Variants in ADAMTS17 observed in about 807,000 individuals in gnomAD.
ADAMTS17 encodes A disintegrin and metalloproteinase with thrombospondin motifs 17.
ADAMTS17 carries 113 observed loss-of-function variants against 141.5 expected under a neutral mutation model. That is an observed-to-expected ratio of 0.80 (90% CI 0.69 to 0.93). ADAMTS17 has a LOEUF of 0.93. Among genes scored for constraint, ADAMTS17 ranks in the 40% least tolerant of loss-of-function variants. The pLI is 0.00. For synonymous variants in ADAMTS17, 768 were observed against 630.6 expected, an observed-to-expected ratio of 1.22 and a Z score of -3.27; for missense variants, 1,659 against 1,517.9, an observed-to-expected ratio of 1.09 and a Z score of -1.54.
intron 7 of ADAMTS17, among the ~76,000 whole-genome samples, chr15:100,248,226 G>T (rs28448458): frequency 0.032 from 4,809 of 152,254 alleles, 257 homozygotes; most frequent in African/African-American, 0.11. Context: ...TTAAAAAATA[G>T]TAGGAGACCA....
At chr15:100,118,164 T>C (rs1015757595) in intron 12 of ADAMTS17, among the ~76,000 whole-genome samples, 10 of 152,226 alleles carry the variant, frequency 6.6e-5, no homozygotes, top group Admixed American at 5.9e-4. Context: ...TTTGGTTTTG[T>C]GGGCCAAATA....
intron 14 of ADAMTS17, among the ~76,000 whole-genome samples, chr15:100,104,505 A>T (rs1427963213): frequency 6.6e-6 from 1 of 152,176 alleles, no homozygotes; most frequent in Non-Finnish European, 1.5e-5. Context: ...ATCTACTCAA[A>T]ATGCCATTTT....
chr15:100,096,141 C>T (rs905740385), intron 15 of ADAMTS17, among the ~76,000 whole-genome samples: 3 of 152,176 alleles, frequency 2.0e-5, no homozygotes, highest in African/African-American at 4.8e-5. Flanking sequence ...GAGCTGTTTC[C>T]GTTCATGGCA....
chr15:100,076,787 C>T (rs893361508), intron 15 of ADAMTS17, among the ~76,000 whole-genome samples: 4 of 151,976 alleles, frequency 2.6e-5, no homozygotes, highest in African/African-American at 4.8e-5. Flanking sequence ...ACTACACAAA[C>T]AAAAACATAG....
rs2060830296 is a variant in ADAMTS17 at position 99,997,603 on chromosome 15, GGAAA to G, written c.2592-18_2592-15del. ...CCTGCCACCCACCTGCCAGACGGGA[GGAAA>G]GAGAGAGAGAACGACTGGGTGAGAG... On this transcript the variant is annotated splice_polypyrimidine_tract_variant and intron_variant, in intron 18 of 21. Transcript: ENST00000268070. This position sits in a 1 kb window ranked among gnomAD's most constrained non-coding sequence, Gnocchi z 4.7. 4 of 1,612,494 alleles carry G rather than the reference GGAAA, an allele frequency of 2.5e-6. No individual in the cohort carries two copies. The African/African-American group carries it at 5.3e-5, about 22-fold the overall frequency.
intron 18 of ADAMTS17, among the ~76,000 whole-genome samples, chr15:99,999,369 G>A (rs1463951759): frequency 4.6e-5 from 7 of 152,220 alleles, no homozygotes; most frequent in African/African-American, 9.6e-5. Context: ...GGGTGGGGGT[G>A]TTATCTTACA....
At chr15:100,015,874 C>T (rs2061278951) in intron 18 of ADAMTS17, among the ~76,000 whole-genome samples, 1 of 152,166 alleles carries the variant, frequency 6.6e-6, no homozygotes, top group African/African-American at 2.4e-5. Context: ...ATGCATTTCC[C>T]ACGTGTTCCT....
chr15:100,328,444 T>G (rs183600440), intron 3 of ADAMTS17, among the ~76,000 whole-genome samples: 1 of 152,306 alleles, frequency 6.6e-6, no homozygotes, highest in East Asian at 1.9e-4. Context: ...TCCTGACTAG[T>G]GCAGAGCCTG....
intron 10 of ADAMTS17, among the ~76,000 whole-genome samples, chr15:100,137,732 T>C (rs1006225945): frequency 2.0e-5 from 3 of 152,190 alleles, no homozygotes; most frequent in Non-Finnish European, 4.4e-5. Context: ...TACACTACTG[T>C]ATAGCAATGT....
chr15:100,014,453 AAT>A (rs2061249696), intron 18 of ADAMTS17, among the ~76,000 whole-genome samples: 3 of 152,050 alleles, frequency 2.0e-5, no homozygotes, highest in African/African-American at 7.3e-5. Context: ...GTGACCTTAG[AAT>A]ATCAGTCTGT....
Position 100,216,659 on chromosome 15 carries a change from C to G in ADAMTS17, c.1076-17236G>C. ...GAACCCTTTTTCCCGATGCTGACACCTATCCTGACACAGTCTGCTGTCTAC... is the reference window on the plus strand; with the variant it reads ...GAACCCTTTTTCCCGATGCTGACACGTATCCTGACACAGTCTGCTGTCTAC... On this transcript the variant is annotated intron_variant, in intron 7 of 21. Coordinates refer to ENST00000268070, the MANE Select transcript of ADAMTS17 (RefSeq NM_139057.4). Among the ~76,000 whole-genome samples, 4 of 152,300 alleles carry G rather than the reference C, an allele frequency of 2.6e-5. No homozygotes were observed. In the South Asian group the frequency reaches 8.3e-4, roughly 32 times the overall value.
At chr15:99,974,686 T>C (rs1307198554) in intron 21 of ADAMTS17, 124 bp from the exon 22 acceptor site, 1 of 1,263,176 alleles carries the variant, frequency 7.9e-7, no homozygotes, top group African/African-American at 1.5e-5. Flanking sequence ...ACGTCAACCC[T>C]TTGCACTGAT....
chr15:100,020,418 G>T (rs1398135319), intron 18 of ADAMTS17, among the ~76,000 whole-genome samples: 1 of 152,150 alleles, frequency 6.6e-6, no homozygotes, highest in Non-Finnish European at 1.5e-5. Context: ...GCTCCAACAG[G>T]ACTGAGCTGG....
chr15:100,095,317 G>C (rs981522930), intron 15 of ADAMTS17, among the ~76,000 whole-genome samples: 1 of 152,128 alleles, frequency 6.6e-6, no homozygotes, highest in African/African-American at 2.4e-5. Context: ...GCTTTCACAG[G>C]GTCCTGCAAA....
At chr15:100,109,822 G>C (rs867519462) in intron 13 of ADAMTS17, among the ~76,000 whole-genome samples, 1 of 151,974 alleles carries the variant, frequency 6.6e-6, no homozygotes, top group Non-Finnish European at 1.5e-5. Context: ...GAAATCCCTC[G>C]CAGCACTTTG....
intron 4 of ADAMTS17, among the ~76,000 whole-genome samples, chr15:100,268,415 C>T (rs1055250031): frequency 6.6e-6 from 1 of 152,176 alleles, no homozygotes; most frequent in African/African-American, 2.4e-5. Context: ...ACCTTCCCAC[C>T]AACAGCGTAT....
chr15:100,007,113 C>G (rs1046538923), intron 18 of ADAMTS17, among the ~76,000 whole-genome samples: 2 of 152,206 alleles, frequency 1.3e-5, no homozygotes, highest in Non-Finnish European at 2.9e-5. Flanking sequence ...CAGACAATTT[C>G]TTTAACATCT....
At chr15:99,994,875 C>T (rs8027006) in intron 19 of ADAMTS17, among the ~76,000 whole-genome samples, 3,863 of 152,322 alleles carry the variant, frequency 0.025, 157 homozygotes, top group African/African-American at 0.086. Context: ...CTCTTTCTTA[C>T]GAATTCAATT....
chr15:100,091,458 G>T (rs1249724584), intron 15 of ADAMTS17, among the ~76,000 whole-genome samples: 2 of 152,158 alleles, frequency 1.3e-5, no homozygotes, highest in Non-Finnish European at 2.9e-5. Flanking sequence ...CAATGCCTTT[G>T]CCGTGGTTCC....
Sources: allele counts gnomAD v4.1 joint callset (sites outside exome capture counted in the v4.1 genomes callset), GRCh38; gene constraint gnomAD v4.1.1; non-coding constraint Gnocchi (gnomAD v3.1); transcripts MANE v1.5; gene names NCBI Gene and HGNC (gene_info 2026-07-23, HGNC 2026-07-21).